Variants in SOX5 observed in about 807,000 individuals in gnomAD.
The protein encoded by SOX5 is transcription factor SOX-5.
SOX5 carries 9 observed loss-of-function variants against 92.0 expected under a neutral mutation model. The observed-to-expected ratio is 0.10, with a 90% CI of 0.06 to 0.17. The LOEUF is 0.17. Among genes scored for constraint, SOX5 ranks in the 10% least tolerant of loss-of-function variants. SOX5 has a pLI of 1.00. For synonymous variants in SOX5, 344 were observed against 336.3 expected (o/e 1.02, Z -0.25); for missense variants, 642 against 944.5 (o/e 0.68, Z 4.20).
At chr12:23,918,060 T>A (rs7959314) in intron 1 of SOX5, among the ~76,000 whole-genome samples, 1 of 152,026 alleles carries the variant, frequency 6.6e-6, no homozygotes, top group Non-Finnish European at 1.5e-5. Flanking sequence ...ATATGAGTTA[T>A]ATTCTAAGAC....
intron 14 of SOX5, 59 bp from the exon 15 acceptor site, chr12:23,534,581 C>A: frequency 7.6e-7 from 1 of 1,323,302 alleles, no homozygotes; most frequent in Non-Finnish European, 1.0e-6. Context: ...TAGATGTGGA[C>A]TTTACTACAT....
intron 4 of SOX5, among the ~76,000 whole-genome samples, chr12:24,136,595 G>A (rs1950129726): frequency 6.6e-6 from 1 of 152,184 alleles, no homozygotes; most frequent in Non-Finnish European, 1.5e-5. Flanking sequence ...TGCTGCTATT[G>A]TTTAAGGGGG....
At chr12:24,495,527 C>T (rs944474729) in intron 1 of SOX5, among the ~76,000 whole-genome samples, 5 of 152,116 alleles carry the variant, frequency 3.3e-5, no homozygotes, top group African/African-American at 4.8e-5. Flanking sequence ...AAAGTATCAA[C>T]CAATAACAAA....
chr12:23,575,570 G>A (rs1948988729), intron 10 of SOX5, 91 bp downstream of exon 10: 7 of 1,223,484 alleles, frequency 5.7e-6, no homozygotes. Flanking sequence ...TTCAAGCCGT[G>A]TATAGAGTGG....
At chr12:23,566,846 A>G (rs1315102406) in intron 10 of SOX5, among the ~76,000 whole-genome samples, 10 of 152,238 alleles carry the variant, frequency 6.6e-5, no homozygotes, top group East Asian at 1.9e-4. Flanking sequence ...AATTGGATTC[A>G]ACTGCATCTG....
chr12:23,926,723 A>G (rs1047124882), intron 1 of SOX5, among the ~76,000 whole-genome samples: 1 of 152,044 alleles, frequency 6.6e-6, no homozygotes, highest in African/African-American at 2.4e-5. Flanking sequence ...TTGAGTGTTT[A>G]TTTAATAGTG....
At chr12:24,083,217 C>T (rs1432040230) in intron 4 of SOX5, among the ~76,000 whole-genome samples, 2 of 151,878 alleles carry the variant, frequency 1.3e-5, no homozygotes, top group Non-Finnish European at 2.9e-5. Context: ...TAAGATTAAG[C>T]CTTAGTAAGC....
intron 4 of SOX5, among the ~76,000 whole-genome samples, chr12:24,011,345 A>G (rs1257563643): frequency 6.6e-6 from 1 of 152,240 alleles, no homozygotes; most frequent in Non-Finnish European, 1.5e-5. Context: ...ATTCATATCA[A>G]TGACTTGATA....
intron 4 of SOX5, among the ~76,000 whole-genome samples, chr12:23,967,695 T>A (rs1445594336): frequency 6.6e-6 from 1 of 152,138 alleles, no homozygotes; most frequent in Non-Finnish European, 1.5e-5. Context: ...ATAGCTTTGG[T>A]TGCAAGAGAA....
intron 2 of SOX5, among the ~76,000 whole-genome samples, chr12:24,293,442 T>A (rs1379460734): frequency 1.3e-5 from 2 of 152,218 alleles, no homozygotes; most frequent in African/African-American, 4.8e-5. Flanking sequence ...TATTACATTC[T>A]GTCCCCCTAT....
At chr12:24,042,640 T>A (rs1355611758) in intron 4 of SOX5, among the ~76,000 whole-genome samples, 1 of 152,154 alleles carries the variant, frequency 6.6e-6, no homozygotes, top group East Asian at 1.9e-4. Context: ...CAGCAATGAA[T>A]TCCACAGTTT....
Position 23,845,977 on chromosome 12 carries a change from C to A in SOX5, c.481+6G>T. The A allele has an allele frequency of 6.2e-7, 1 of 1,611,692 alleles. No homozygotes were observed. The highest frequency in any genetic ancestry group is 8.5e-7 in the Non-Finnish European group (1 of 1,177,798). On this transcript the variant is annotated splice_donor_region_variant and intron_variant, in intron 3 of 14. Transcript: ENST00000451604. ...CATCAACTTTGTTTTCTCTTCCAGC[C>A]TTTACCTTCCGGCTCGTTTTTGATG...
At chr12:23,858,177 T>TA (rs1205996992) in intron 2 of SOX5, among the ~76,000 whole-genome samples, 1 of 151,902 alleles carries the variant, frequency 6.6e-6, no homozygotes, top group Non-Finnish European at 1.5e-5. Context: ...TGAGAAGCGC[T>TA]AAAAAATAAT....
chr12:23,548,594 A>C (rs79209617), intron 11 of SOX5, among the ~76,000 whole-genome samples: 1 of 152,014 alleles, frequency 6.6e-6, no homozygotes, highest in Non-Finnish European at 1.5e-5. Flanking sequence ...TATGCCTTTA[A>C]TTAAAACAGA....
intron 3 of SOX5, among the ~76,000 whole-genome samples, chr12:23,841,345 C>G (rs985449591): frequency 6.6e-6 from 1 of 152,064 alleles, no homozygotes; most frequent in Admixed American, 6.5e-5. Context: ...AACTTACATT[C>G]ATTCCTGGTG....
intron 4 of SOX5, among the ~76,000 whole-genome samples, chr12:23,985,220 T>C (rs1949950719): frequency 6.8e-6 from 1 of 147,132 alleles, no homozygotes; most frequent in Non-Finnish European, 1.5e-5. Context: ...AGGTTTTTAT[T>C]GTATTTTTTT....
At chr12:23,541,767 C>G (rs1279623173) in intron 13 of SOX5, among the ~76,000 whole-genome samples, 3 of 152,142 alleles carry the variant, frequency 2.0e-5, no homozygotes, top group African/African-American at 7.2e-5. Flanking sequence ...ATTACAAATG[C>G]ACCTTGTGGA....
intron 4 of SOX5, among the ~76,000 whole-genome samples, chr12:24,078,283 T>C (rs1942898247): frequency 6.6e-6 from 1 of 151,772 alleles, no homozygotes; most frequent in African/African-American, 2.4e-5. Context: ...CTTTGTGAAG[T>C]GGGCGTGATA....
intron 4 of SOX5, among the ~76,000 whole-genome samples, chr12:24,086,319 T>G (rs575074522): frequency 6.6e-6 from 1 of 152,124 alleles, no homozygotes; most frequent in Non-Finnish European, 1.5e-5. Flanking sequence ...TTGTTTCTCC[T>G]AAGACATGAT....
Sources: allele counts gnomAD v4.1 joint callset (sites outside exome capture counted in the v4.1 genomes callset), GRCh38; gene constraint gnomAD v4.1.1; transcripts MANE v1.5; gene names NCBI Gene and HGNC (gene_info 2026-07-23, HGNC 2026-07-21).